Variants in ATP8A1 observed in about 807,000 individuals in gnomAD.
ATP8A1 encodes the protein phospholipid-transporting ATPase IA.
ATP8A1 carries 90 observed loss-of-function variants against 177.7 expected under a neutral mutation model. The ratio of observed to expected loss-of-function variants is 0.51; its 90% CI spans 0.43 to 0.60. ATP8A1 has a LOEUF of 0.60. ATP8A1 is among the 20% of genes least tolerant of loss of function. ATP8A1 has a pLI of 0.00. For synonymous variants in ATP8A1, 493 were observed against 485.9 expected, an observed-to-expected ratio of 1.01 and a Z score of -0.19; for missense variants, 1,072 against 1,392.8, an observed-to-expected ratio of 0.77 and a Z score of 3.67.
intron 14 of ATP8A1, among the ~76,000 whole-genome samples, chr4:42,573,264 T>C (rs996815690): frequency 4.6e-5 from 7 of 152,212 alleles, no homozygotes; most frequent in African/African-American, 1.7e-4. Flanking sequence ...ATACTAGTTA[T>C]GAATGAATAC....
intron 2 of ATP8A1, 63 bp from the exon 3 acceptor site, chr4:42,625,776 G>T: frequency 1.0e-6 from 1 of 978,444 alleles, no homozygotes; most frequent in Non-Finnish European, 1.5e-6. Flanking sequence ...CACTTACAAA[G>T]TTCTGTTACT....
At chr4:42,441,338 TTATATATGTATGTA>T (rs2153173977) in intron 33 of ATP8A1, among the ~76,000 whole-genome samples, 1 of 152,260 alleles carries the variant, frequency 6.6e-6, no homozygotes, top group Non-Finnish European at 1.5e-5. Context: ...TCTTTCACAT[TTATATATGTATGTA>T]TATATATGTA....
intron 29 of ATP8A1, among the ~76,000 whole-genome samples, chr4:42,452,407 A>C (rs905212007): frequency 2.6e-5 from 4 of 152,202 alleles, no homozygotes; most frequent in African/African-American, 9.6e-5. Context: ...AGAAGAATAG[A>C]CTTTTAAAAG....
At chr4:42,590,955 A>C in intron 6 of ATP8A1, 71 bp from the exon 7 acceptor site, 25 of 1,342,048 alleles carry the variant, frequency 1.9e-5, no homozygotes, top group Non-Finnish European at 2.6e-5. Flanking sequence ...AAACAAACAA[A>C]TGGACAAAAG....
intron 21 of ATP8A1, among the ~76,000 whole-genome samples, chr4:42,523,210 C>T (rs1007700870): frequency 3.9e-5 from 6 of 152,114 alleles, no homozygotes; most frequent in Admixed American, 2.6e-4. Context: ...CTGCCAATTT[C>T]GTAACTCACA....
At chr4:42,499,271 T>G (rs181164415) in intron 24 of ATP8A1, among the ~76,000 whole-genome samples, 1 of 152,322 alleles carries the variant, frequency 6.6e-6, no homozygotes, top group East Asian at 1.9e-4. Flanking sequence ...CCAAACATCA[T>G]GCCTGTTGAT....
intron 30 of ATP8A1, among the ~76,000 whole-genome samples, chr4:42,450,731 T>G (rs1263553709): frequency 6.6e-6 from 1 of 152,260 alleles, no homozygotes; most frequent in Non-Finnish European, 1.5e-5. Context: ...TCTTGGTAAT[T>G]CATTCACAAT....
At position 42,599,021 on chromosome 4, in the gene ATP8A1, T is replaced by C. The variant is rs1734993006; in HGVS notation, c.450+1457A>G. Reference sequence around the variant, plus strand: ...AAAATGCTATTATTATGGGTAATCCTGGCTGGTGATTTGTCTGTCAAAAAT... The same window carrying C: ...AAAATGCTATTATTATGGGTAATCCCGGCTGGTGATTTGTCTGTCAAAAAT... On this transcript the variant is annotated intron_variant, in intron 6 of 36. Coordinates refer to ENST00000381668, the MANE Select transcript of ATP8A1 (RefSeq NM_006095.2). Among the ~76,000 whole-genome samples the C allele has an allele frequency of 3.3e-5, 5 of 152,290 alleles. No individual in the cohort carries two copies. The South Asian group carries it at 1.0e-3, about 32-fold the overall frequency.
chr4:42,554,751 C>T (rs1577575082), intron 16 of ATP8A1, among the ~76,000 whole-genome samples: 1 of 152,152 alleles, frequency 6.6e-6, no homozygotes, highest in South Asian at 2.1e-4. Context: ...GTCAACTTGA[C>T]TGAAGGACGC....
At chr4:42,602,899 C>T (rs952884286) in intron 5 of ATP8A1, among the ~76,000 whole-genome samples, 1 of 151,992 alleles carries the variant, frequency 6.6e-6, no homozygotes, top group Non-Finnish European at 1.5e-5. Flanking sequence ...AAGTCCTGTT[C>T]AAATCAACTA....
In ATP8A1 at chr4:42,562,951, T is replaced by C. The variant is rs186807943; in HGVS notation, c.1340+6210A>G. Among the ~76,000 whole-genome samples, 82 of 152,356 alleles carry C rather than the reference T, an allele frequency of 5.4e-4. 1 individual carries two copies. Among genetic ancestry groups the C allele is most frequent in the African/African-American group, 1.8e-3 (76 of 41,588 alleles). Reference sequence around the variant, plus strand: ...AATTGCCCAGTCTCAGGTATGTCTTTATCAGCAGTGTGAAAACAGACTAAT... The same window carrying C: ...AATTGCCCAGTCTCAGGTATGTCTTCATCAGCAGTGTGAAAACAGACTAAT... On this transcript the variant is annotated intron_variant, in intron 15 of 36. Transcript: ENST00000381668.
At chr4:42,505,958 C>T (rs1304281730) in intron 23 of ATP8A1, among the ~76,000 whole-genome samples, 1 of 151,962 alleles carries the variant, frequency 6.6e-6, no homozygotes, top group African/African-American at 2.4e-5. Flanking sequence ...ATTGCTGGTA[C>T]TACAGGCTTC....
intron 4 of ATP8A1, among the ~76,000 whole-genome samples, chr4:42,616,545 C>A (rs1207155745): frequency 1.3e-5 from 2 of 152,074 alleles, no homozygotes; most frequent in African/African-American, 4.8e-5. Flanking sequence ...CTGAGCACAT[C>A]CTCTATAATT....
intron 20 of ATP8A1, among the ~76,000 whole-genome samples, chr4:42,536,609 T>C (rs1727849322): frequency 6.6e-6 from 1 of 152,152 alleles, no homozygotes; most frequent in Non-Finnish European, 1.5e-5. Flanking sequence ...ATGAAGCCAC[T>C]ATCCCCCAAT....
intron 1 of ATP8A1, among the ~76,000 whole-genome samples, chr4:42,655,892 T>C (rs552435480): frequency 1.3e-5 from 2 of 152,314 alleles, no homozygotes; most frequent in South Asian, 2.1e-4. Context: ...TCAGCGATGA[T>C]GGCAAGATAG....
chr4:42,552,405 TA>T, intron 17 of ATP8A1, 99 bp downstream of exon 17: 1 of 978,268 alleles, frequency 1.0e-6, no homozygotes, highest in Non-Finnish European at 1.5e-6. Context: ...AATTTTTATC[TA>T]AAAAACACTC....
chr4:42,611,322 C>A (rs956803703), intron 5 of ATP8A1, among the ~76,000 whole-genome samples: 3 of 152,034 alleles, frequency 2.0e-5, no homozygotes. Context: ...TTTCATGTGA[C>A]CCTTTCTAAA....
At chr4:42,573,690 A>T (rs1262334147) in intron 14 of ATP8A1, among the ~76,000 whole-genome samples, 1 of 152,140 alleles carries the variant, frequency 6.6e-6, no homozygotes, top group African/African-American at 2.4e-5. Flanking sequence ...TACTTTTGGG[A>T]TTTTTCATGA....
chr4:42,568,079 A>C (rs1314140523), intron 15 of ATP8A1, among the ~76,000 whole-genome samples: 2 of 152,254 alleles, frequency 1.3e-5, no homozygotes, highest in Non-Finnish European at 2.9e-5. Context: ...TTATCCACTA[A>C]TAGTAAGATG....
Sources: allele counts gnomAD v4.1 joint callset (sites outside exome capture counted in the v4.1 genomes callset), GRCh38; gene constraint gnomAD v4.1.1; transcripts MANE v1.5; gene names NCBI Gene and HGNC (gene_info 2026-07-23, HGNC 2026-07-21).